The following GMFG variants were observed in gnomAD, a reference collection of about 807,000 sequenced individuals.
The protein encoded by GMFG is glia maturation factor gamma.
In GMFG, 21 loss-of-function variants were observed where a neutral mutation model predicts 26.1. That is an observed-to-expected ratio of 0.80 (90% CI 0.57 to 1.16). The LOEUF is 1.16. Among genes scored for constraint, GMFG ranks in the 50% most tolerant of loss-of-function variants. The pLI, the probability that GMFG is intolerant of heterozygous loss-of-function variation, is 0.00. For missense variants in GMFG, 161 were observed against 178.3 expected, an observed-to-expected ratio of 0.90 and a Z score of 0.55; for synonymous variants, 65 against 60.8, an observed-to-expected ratio of 1.07 and a Z score of -0.32.
chr19:39,329,775 A>G, intron 4 of GMFG, 149 bp from the exon 5 acceptor site: 2 of 650,098 alleles, frequency 3.1e-6, no homozygotes, highest in South Asian at 3.5e-5. Context: ...CAAACACAAC[A>G]AATGATTAAA....
rs1241407977 is a variant in GMFG, at chr19:39,328,549, C to T, written c.358-1G>A. 8.1e-6 allele frequency: 13 copies of T among 1,609,628 alleles called. No homozygotes were observed. Among genetic ancestry groups the T allele is most frequent in the Non-Finnish European group, 1.1e-5 (13 of 1,176,136 alleles). The stretch of plus-strand genomic sequence containing the variant: ...CATCAGTGGTGCGGATTTCGAACAC[C>T]TGGGCAGAGAGAGGTCTCGGCATTA... On this transcript the variant is annotated splice_acceptor_variant, in intron 6 of 6. Coordinates refer to ENST00000597595, the MANE Select transcript of GMFG (RefSeq NM_004877.4). LOFTEE classifies it high-confidence loss of function.
intron 1 of GMFG, 126 bp from the exon 2 acceptor site, chr19:39,335,657 A>G (rs1334052723): frequency 4.1e-6 from 3 of 739,146 alleles, no homozygotes; most frequent in East Asian, 2.5e-5. Flanking sequence ...CTTTGTGAAC[A>G]TTGAGAAAAG....
intron 3 of GMFG, among the ~76,000 whole-genome samples, chr19:39,333,338 C>T (rs182853576): frequency 4.6e-5 from 7 of 152,108 alleles, no homozygotes; most frequent in South Asian, 2.1e-4. Flanking sequence ...CCCAGCTACT[C>T]GAGAGGCTGA....
chr19:39,329,720 G>T, intron 4 of GMFG, 94 bp from the exon 5 acceptor site: 1 of 788,492 alleles, frequency 1.3e-6, no homozygotes, highest in Non-Finnish European at 2.2e-6. Context: ...TGTTGGCTGA[G>T]TCTGAGAACC....
At chr19:39,333,504 C>T (rs138904480) in intron 3 of GMFG, among the ~76,000 whole-genome samples, 2,125 of 149,726 alleles carry the variant, frequency 0.014, 46 homozygotes, top group African/African-American at 0.049. Flanking sequence ...TGCTTGAACC[C>T]GGGAGGCGGA....
At chr19:39,334,786 A>C (rs2075242246) in intron 3 of GMFG, among the ~76,000 whole-genome samples, 1 of 152,202 alleles carries the variant, frequency 6.6e-6, no homozygotes, top group Non-Finnish European at 1.5e-5. Flanking sequence ...ACAAACAGGC[A>C]AAGTCTCTTG....
At chr19:39,332,311 C>T (rs2075229700) in intron 4 of GMFG, among the ~76,000 whole-genome samples, 1 of 147,338 alleles carries the variant, frequency 6.8e-6, no homozygotes, top group South Asian at 2.1e-4. Context: ...ACCTGGGCAA[C>T]AGAGCGAGAC....
intron 3 of GMFG, among the ~76,000 whole-genome samples, chr19:39,334,165 C>A (rs565728685): frequency 1.3e-5 from 2 of 151,566 alleles, no homozygotes; most frequent in African/African-American, 4.8e-5. Context: ...TACAGGCACC[C>A]GCCACCACAC....
rs143832110 is a variant in GMFG at position 39,335,741 on chromosome 19, G to A, written c.4-210C>T. Among the ~76,000 whole-genome samples the A allele has an allele frequency of 6.6e-5, 10 of 152,290 alleles. No individual in the cohort carries two copies. In the East Asian group the frequency reaches 7.7e-4, roughly 12 times the overall value. ...GGGGCGGAGCAGAGGCTGGGTTCCC[G>A]CCTTCTCCACGGGGACTCTTGGGGG... On this transcript the variant is annotated intron_variant, in intron 1 of 6. Transcript: ENST00000597595.
intron 1 of GMFG, 38 bp from the exon 2 acceptor site, chr19:39,335,569 C>A: frequency 7.3e-7 from 1 of 1,361,048 alleles, no homozygotes. Flanking sequence ...AATGGCCTGG[C>A]CTCAGCCCTC....
chr19:39,332,367 T>C (rs2145054355), intron 4 of GMFG, among the ~76,000 whole-genome samples: 1 of 151,368 alleles, frequency 6.6e-6, no homozygotes, highest in Admixed American at 6.6e-5. Context: ...AAGGTCTTGC[T>C]ATGTTGCCCA....
Position 39,333,127 on chromosome 19 carries a change from C to A in GMFG, c.151-1G>T. On this transcript the variant is annotated splice_acceptor_variant, in intron 3 of 6. Coordinates refer to ENST00000597595, the MANE Select transcript of GMFG (RefSeq NM_004877.4). LOFTEE classifies it high-confidence loss of function. ...TTTTGAGCTCCTCTGGGGAAATGTT[C>A]TGAGGCAAGAAAACAGAAGAAAAGA... 1 of 1,591,158 alleles carries A rather than the reference C, an allele frequency of 6.3e-7. No individual in the cohort carries two copies. The highest frequency in any genetic ancestry group is 1.1e-5 in the South Asian group (1 of 90,402).
intron 5 of GMFG, 23 bp from the exon 6 acceptor site, chr19:39,329,096 G>T (rs759181334): frequency 1.9e-6 from 3 of 1,552,660 alleles, no homozygotes; most frequent in Admixed American, 1.7e-5. Context: ...GAGGAGAAAG[G>T]CACATCAGTG....
At chr19:39,328,639 GA>G in intron 6 of GMFG, 91 bp from the exon 7 acceptor site, 1 of 904,222 alleles carries the variant, frequency 1.1e-6, no homozygotes, top group East Asian at 2.4e-5. Flanking sequence ...AGCACTTTGG[GA>G]GGCTGAGGTG....
chr19:39,335,345 C>T, intron 2 of GMFG, 35 bp from the exon 3 acceptor site: 3 of 1,597,946 alleles, frequency 1.9e-6, no homozygotes, highest in Admixed American at 1.7e-5. Context: ...TTAGACACTC[C>T]CCCTGATCCA....
At chr19:39,330,445 T>C (rs892805922) in intron 4 of GMFG, among the ~76,000 whole-genome samples, 4 of 152,096 alleles carry the variant, frequency 2.6e-5, no homozygotes, top group Non-Finnish European at 1.5e-5. Context: ...TTACTGTTAT[T>C]AGAGACAGGG....
At chr19:39,333,789 G>A (rs544201113) in intron 3 of GMFG, among the ~76,000 whole-genome samples, 1 of 152,148 alleles carries the variant, frequency 6.6e-6, no homozygotes, top group Non-Finnish European at 1.5e-5. Context: ...CAGATAGAAA[G>A]CAGCAGAGTT....
At chr19:39,335,945 C>T in intron 1 of GMFG, 29 bp downstream of exon 1, 1 of 1,490,388 alleles carries the variant, frequency 6.7e-7, no homozygotes, top group Non-Finnish European at 9.4e-7. Context: ...CCAGCCCCAG[C>T]TCTTCCCATA....
At chr19:39,329,687 T>A in intron 4 of GMFG, 61 bp from the exon 5 acceptor site, 1 of 1,024,028 alleles carries the variant, frequency 9.8e-7, no homozygotes, top group Non-Finnish European at 1.5e-6. Flanking sequence ...TAACAGCCAT[T>A]ACCTGAGTCC....
Sources: allele counts gnomAD v4.1 joint callset (sites outside exome capture counted in the v4.1 genomes callset), GRCh38; gene constraint gnomAD v4.1.1; transcripts MANE v1.5; gene names NCBI Gene and HGNC (gene_info 2026-07-23, HGNC 2026-07-21).